The following PCBP3 variants were observed in gnomAD, a reference collection of about 807,000 sequenced individuals.
PCBP3 encodes the protein poly(rC) binding protein 3.
A neutral mutation model predicts 52.7 loss-of-function variants in PCBP3; 25 were observed. The observed-to-expected ratio is 0.47, with a 90% CI of 0.35 to 0.66. PCBP3 has a LOEUF of 0.66. Ranked by LOEUF, PCBP3 falls within the 30% of genes least tolerant of loss-of-function variation. The pLI, the probability that PCBP3 is intolerant of heterozygous loss-of-function variation, is 0.01. For synonymous variants in PCBP3, 162 were observed against 183.0 expected (o/e 0.89, Z 0.93); for missense variants, 391 against 490.3 (o/e 0.80, Z 1.91).
At chr21:45,822,172 A>G (rs2093159975) in intron 4 of PCBP3, among the ~76,000 whole-genome samples, 1 of 152,038 alleles carries the variant, frequency 6.6e-6, no homozygotes, top group Non-Finnish European at 1.5e-5. Flanking sequence ...GACCCTTTTG[A>G]AGGTCAGGAG....
In PCBP3 at chr21:45,665,140, G is replaced by A. The variant is rs566333106; in HGVS notation, c.-278-3734G>A. Among the ~76,000 whole-genome samples the A allele has an allele frequency of 3.4e-4, 51 of 152,094 alleles. No homozygotes were observed. The South Asian group carries it at 1.0e-2, about 30-fold the overall frequency. On this transcript the variant is annotated intron_variant, in intron 1 of 17. Coordinates refer to ENST00000681687, the MANE Select transcript of PCBP3 (RefSeq NM_001384156.1). ...CTACTGCTGGGGTACAGTGGTTCAT[G>A]CCTATAATTCCAGCATTTTGGGAGG...
chr21:45,895,746 G>T (rs933184003), intron 5 of PCBP3, among the ~76,000 whole-genome samples: 10 of 152,246 alleles, frequency 6.6e-5, no homozygotes, highest in Non-Finnish European at 1.0e-4. Flanking sequence ...GCAGGCTTGG[G>T]ACGTGAAGGG....
intron 9 of PCBP3, among the ~76,000 whole-genome samples, chr21:45,905,905 A>G (rs1437961270): frequency 6.6e-6 from 1 of 152,206 alleles, no homozygotes; most frequent in East Asian, 1.9e-4. Flanking sequence ...TCAGTTGTGA[A>G]GTGGGATGTT....
chr21:45,873,788 T>C (rs1483211588), intron 5 of PCBP3, among the ~76,000 whole-genome samples: 2 of 152,256 alleles, frequency 1.3e-5, no homozygotes, highest in African/African-American at 4.8e-5. Flanking sequence ...TTGTTGTCGT[T>C]GGGTTTTCTT....
At chr21:45,832,099 G>A (rs1418345593) in intron 4 of PCBP3, among the ~76,000 whole-genome samples, 1 of 152,168 alleles carries the variant, frequency 6.6e-6, no homozygotes, top group Non-Finnish European at 1.5e-5. Flanking sequence ...CCATTTTTAT[G>A]GTTCTTGATT....
At chr21:45,890,078 G>A (rs1010720638) in intron 5 of PCBP3, among the ~76,000 whole-genome samples, 24 of 152,272 alleles carry the variant, frequency 1.6e-4, no homozygotes, top group Non-Finnish European at 1.5e-5. Flanking sequence ...CACTGCCAGG[G>A]TGGGAGACGT....
At chr21:45,794,405 G>T (rs2091808620) in intron 4 of PCBP3, among the ~76,000 whole-genome samples, 1 of 152,148 alleles carries the variant, frequency 6.6e-6, no homozygotes, top group East Asian at 1.9e-4. Context: ...GACAGAATGA[G>T]ACCCCACCTC....
chr21:45,709,122 C>A (rs2083654540), intron 2 of PCBP3, among the ~76,000 whole-genome samples: 1 of 152,252 alleles, frequency 6.6e-6, no homozygotes, highest in Admixed American at 6.5e-5. Flanking sequence ...ATGAGGAGAG[C>A]AGCCATGCAG....
intron 4 of PCBP3, among the ~76,000 whole-genome samples, chr21:45,809,624 C>A (rs2092620392): frequency 6.6e-6 from 1 of 152,212 alleles, no homozygotes; most frequent in Non-Finnish European, 1.5e-5. Context: ...GGAGCTGCCC[C>A]GCTTCCCCCC....
chr21:45,936,651 G>A (rs1456950252), intron 16 of PCBP3, among the ~76,000 whole-genome samples: 1 of 152,226 alleles, frequency 6.6e-6, no homozygotes, highest in Non-Finnish European at 1.5e-5. Context: ...TTTTCCTCCA[G>A]GTAGTAAAGC....
intron 16 of PCBP3, 130 bp from the exon 17 acceptor site, chr21:45,939,900 T>A (rs1204122824): frequency 6.4e-6 from 5 of 784,988 alleles, no homozygotes; most frequent in Non-Finnish European, 1.0e-5. Flanking sequence ...TCCGGGGTGT[T>A]GAGCTCAGGT....
chr21:45,728,285 T>C (rs957387769), intron 2 of PCBP3, among the ~76,000 whole-genome samples: 1 of 152,230 alleles, frequency 6.6e-6, no homozygotes, highest in African/African-American at 2.4e-5. Flanking sequence ...TTGCTGAGGA[T>C]TTTTATCATG....
At chr21:45,930,889 G>C in intron 15 of PCBP3, 44 bp downstream of exon 15, 1 of 1,610,266 alleles carries the variant, frequency 6.2e-7, no homozygotes, top group Non-Finnish European at 8.5e-7. Context: ...CAGGGCAGCA[G>C]AGCAGAGCCC....
At chr21:45,935,401 C>A in intron 16 of PCBP3, 96 bp downstream of exon 16, 1 of 838,090 alleles carries the variant, frequency 1.2e-6, no homozygotes. Flanking sequence ...GGACCCACTG[C>A]TTGGTAATGC....
intron 2 of PCBP3, among the ~76,000 whole-genome samples, chr21:45,700,827 C>T (rs1281891127): frequency 1.3e-5 from 2 of 152,166 alleles, no homozygotes; most frequent in Non-Finnish European, 2.9e-5. Flanking sequence ...GTGGCTCCAG[C>T]TTTCCCATCT....
At chr21:45,652,740 C>G (rs1170994187) in intron 1 of PCBP3, among the ~76,000 whole-genome samples, 1 of 152,018 alleles carries the variant, frequency 6.6e-6, no homozygotes, top group African/African-American at 2.4e-5. Context: ...ACCACGCCCG[C>G]CCTGATGACT....
intron 5 of PCBP3, among the ~76,000 whole-genome samples, chr21:45,890,274 G>A (rs1048089640): frequency 2.0e-5 from 3 of 152,246 alleles, no homozygotes; most frequent in African/African-American, 7.2e-5. Flanking sequence ...AGCTGTTGGC[G>A]GGGCCGTGGA....
chr21:45,700,227 G>C (rs2083031947), intron 2 of PCBP3, among the ~76,000 whole-genome samples: 1 of 152,170 alleles, frequency 6.6e-6, no homozygotes, highest in African/African-American at 2.4e-5. Context: ...CTAATATTCT[G>C]TGGTCAATGA....
chr21:45,769,087 G>A (rs1371193846), intron 4 of PCBP3, among the ~76,000 whole-genome samples: 1 of 152,226 alleles, frequency 6.6e-6, no homozygotes, highest in African/African-American at 2.4e-5. Context: ...CATTGCCTGT[G>A]CTGACTTAGC....
Sources: allele counts gnomAD v4.1 joint callset (sites outside exome capture counted in the v4.1 genomes callset), GRCh38; gene constraint gnomAD v4.1.1; transcripts MANE v1.5; gene names NCBI Gene and HGNC (gene_info 2026-07-23, HGNC 2026-07-21).